CLEC16A: variants seen among roughly 807,000 people sequenced by gnomAD.
CLEC16A encodes the protein C-type lectin domain containing 16A.
In CLEC16A, 51 loss-of-function variants were observed where a neutral mutation model predicts 109.5. The ratio of observed to expected loss-of-function variants is 0.47; its 90% CI spans 0.37 to 0.59. CLEC16A has a LOEUF of 0.59. Ranked by LOEUF, CLEC16A falls within the 20% of genes least tolerant of loss-of-function variation. The pLI, the probability that CLEC16A is intolerant of heterozygous loss-of-function variation, is 0.00. For synonymous variants in CLEC16A, 673 were observed against 564.2 expected (o/e 1.19, Z -2.73); for missense variants, 1,339 against 1,394.0 (o/e 0.96, Z 0.63).
rs759650083 is a variant in CLEC16A, at chr16:11,123,834, C to T, written c.2361C>T (p.Pro787=). 1.7e-5 allele frequency: 28 copies of T among 1,613,938 alleles called. No individual in the cohort carries two copies. The highest frequency in any genetic ancestry group is 2.2e-5 in the Non-Finnish European group (26 of 1,179,914). ...PASSPHSKPF[P]ILQATFIFSD... ...CCAGCCCCCATTCCAAGCCCTTCCC[C>T]ATCCTCCAGGCCACCTTCATCTTCT... is the stretch of plus-strand genomic sequence containing the variant. The change falls in exon 21 of 24, where the codon CCC becomes CCT. Residue 787 remains proline (P), a synonymous_variant. Coordinates refer to ENST00000409790, the MANE Select transcript of CLEC16A (RefSeq NM_015226.3).
intron 22 of CLEC16A, among the ~76,000 whole-genome samples, chr16:11,134,073 G>T (rs2053410920): frequency 6.6e-6 from 1 of 151,988 alleles, no homozygotes; most frequent in Non-Finnish European, 1.5e-5. Flanking sequence ...TCAGAAAGTG[G>T]CCTACCCAAG....
chr16:11,078,030 A>G (rs2152938717), intron 19 of CLEC16A, among the ~76,000 whole-genome samples: 1 of 151,288 alleles, frequency 6.6e-6, no homozygotes, highest in African/African-American at 2.4e-5. Flanking sequence ...TGTACAGAAT[A>G]CTGAGCTTGG....
chr16:11,124,805 G>A (rs1174511160), intron 21 of CLEC16A, among the ~76,000 whole-genome samples: 3 of 152,192 alleles, frequency 2.0e-5, no homozygotes, highest in African/African-American at 7.2e-5. Flanking sequence ...ATAAGCCCTT[G>A]ACCAGGCACG....
chr16:11,024,522 C>A, intron 12 of CLEC16A: 1 of 300,434 alleles, frequency 3.3e-6, no homozygotes. Context: ...GACACGGGAG[C>A]TTTGGTGTGG....
intron 19 of CLEC16A, among the ~76,000 whole-genome samples, chr16:11,087,189 C>T (rs2050057331): frequency 6.6e-6 from 1 of 152,174 alleles, no homozygotes; most frequent in African/African-American, 2.4e-5. Flanking sequence ...CATCTAAAAC[C>T]ATCTTAGGTC....
chr16:11,095,564 C>T (rs1177189596), intron 19 of CLEC16A, among the ~76,000 whole-genome samples: 1 of 152,150 alleles, frequency 6.6e-6, no homozygotes, highest in Non-Finnish European at 1.5e-5. Context: ...GTAATCCCAA[C>T]ACTTTGGGAG....
intron 21 of CLEC16A, among the ~76,000 whole-genome samples, chr16:11,125,650 G>T (rs1047763165): frequency 6.6e-6 from 1 of 152,240 alleles, no homozygotes; most frequent in African/African-American, 2.4e-5. Context: ...GCCTTTGTCA[G>T]GGTCCTTTAC....
chr16:11,003,252 C>T lies in CLEC16A; in HGVS notation c.1250C>T (p.Ala417Val). The T allele has an allele frequency of 1.9e-6, 3 of 1,612,926 alleles. No homozygotes were observed. Among genetic ancestry groups the T allele is most frequent in the Non-Finnish European group, 2.5e-6 (3 of 1,179,784 alleles). ...GATGCCCAAGAAGACGCCGAGAAGG[C>T]TAAAGGTACAGAGGGTGGTTCAAAA... ...TEDAQEDAEKAKGTEGGSKGI... is the reference protein window; with the variant it reads ...TEDAQEDAEKVKGTEGGSKGI... The change falls in exon 11 of 24, where the codon GCT becomes GTT. Residue 417 changes from alanine to valine, a missense_variant. Transcript: ENST00000409790.
rs2052626746 is a variant in CLEC16A, at chr16:11,124,082, A to C, written c.2473+136A>C. 4 of 836,306 alleles carry C rather than the reference A, an allele frequency of 4.8e-6. No homozygotes were observed. The African/African-American group carries it at 5.1e-5, about 11-fold the overall frequency. 51.8% of individuals were successfully genotyped at this position (836,306 alleles called of 1,614,324 possible). A position where few individuals can be genotyped will look rare whatever the true frequency, so the allele number is the denominator to read the frequency against. ...TGATTCAGGAATTGTTTTATATACG[A>C]ATACGAGGAAGTTCCATTTCCTGGG... On this transcript the variant is annotated intron_variant, in intron 21 of 23. Coordinates refer to ENST00000409790, the MANE Select transcript of CLEC16A (RefSeq NM_015226.3).
intron 19 of CLEC16A, among the ~76,000 whole-genome samples, chr16:11,102,978 G>A (rs546065975): frequency 3.3e-5 from 5 of 152,292 alleles, no homozygotes; most frequent in African/African-American, 7.2e-5. Context: ...AGCAGCAGGC[G>A]GCCTGGTCCT....
At chr16:11,154,309 A>G (rs1301950379) in intron 22 of CLEC16A, among the ~76,000 whole-genome samples, 1 of 152,270 alleles carries the variant, frequency 6.6e-6, no homozygotes, top group Non-Finnish European at 1.5e-5. Context: ...ATATGGTTCA[A>G]GCTCATCCAT....
intron 19 of CLEC16A, among the ~76,000 whole-genome samples, chr16:11,094,915 C>G (rs535978944): frequency 2.4e-4 from 37 of 152,322 alleles, no homozygotes; most frequent in African/African-American, 7.5e-4. Flanking sequence ...AAGTTTCCTA[C>G]TACTGGATGA....
chr16:11,175,278 G>A (rs1430684498), intron 23 of CLEC16A, among the ~76,000 whole-genome samples: 1 of 152,168 alleles, frequency 6.6e-6, no homozygotes, highest in African/African-American at 2.4e-5. Context: ...GCCACGGGAT[G>A]TCTGTCCGCT....
chr16:10,979,880 C>G (rs1051030496), intron 9 of CLEC16A, among the ~76,000 whole-genome samples: 7 of 152,188 alleles, frequency 4.6e-5, no homozygotes, highest in Non-Finnish European at 1.0e-4. Context: ...GCAACCTTAG[C>G]TCTCAGATTT....
intron 22 of CLEC16A, among the ~76,000 whole-genome samples, chr16:11,127,112 GTA>G (rs1356478283): frequency 2.6e-5 from 4 of 152,176 alleles, no homozygotes; most frequent in African/African-American, 9.7e-5. Context: ...TGCTTCAGAA[GTA>G]ACTATTGTTA....
Position 11,123,769 on chromosome 16 carries a change from G to C in CLEC16A, c.2296G>C (p.Asp766His). 6.2e-7 allele frequency: 1 copy of C among 1,614,030 alleles called. No homozygotes were observed. The highest frequency in any genetic ancestry group is 8.5e-7 in the Non-Finnish European group (1 of 1,179,902). Residue 766 changes from aspartate to histidine, a missense_variant, in exon 21 of 24, where the codon GAC (aspartate) becomes CAC (histidine). Physicochemically the swap from Asp to His is moderately conservative, Grantham distance 81. Around this residue, in one of 3 missense-constraint regions of CLEC16A, gnomAD observed 1,061 missense variants for 1,006.8 expected, o/e 1.05. Transcript: ENST00000409790. ...CATGCAGGTGACTGGCGTGGAGGAC[G>C]ACAGCCGTGCCCTGAACATCACCAT... is the stretch of plus-strand genomic sequence containing the variant. ...QDMQVTGVEDDSRALNITIHK... is the reference protein window; with the variant it reads ...QDMQVTGVEDHSRALNITIHK...
chr16:10,969,818 C>T (rs2042695293), intron 4 of CLEC16A, among the ~76,000 whole-genome samples: 1 of 152,114 alleles, frequency 6.6e-6, no homozygotes, highest in African/African-American at 2.4e-5. Flanking sequence ...TAAGGAAGTC[C>T]CAGTCCCTTT....
At chr16:11,161,283 A>T (rs1180617671) in intron 22 of CLEC16A, among the ~76,000 whole-genome samples, 1 of 152,190 alleles carries the variant, frequency 6.6e-6, no homozygotes, top group Non-Finnish European at 1.5e-5. Context: ...GGTTGGACAG[A>T]GCTGCTGCAG....
intron 8 of CLEC16A, among the ~76,000 whole-genome samples, chr16:10,977,665 C>T (rs190622288): frequency 6.6e-6 from 1 of 152,238 alleles, no homozygotes; most frequent in East Asian, 1.9e-4. Context: ...AGGTGCATAC[C>T]ACCACGCCTG....
Sources: allele counts gnomAD v4.1 joint callset (sites outside exome capture counted in the v4.1 genomes callset), GRCh38; gene constraint gnomAD v4.1.1; regional missense constraint gnomAD v4.1.1; transcripts MANE v1.5; gene names NCBI Gene and HGNC (gene_info 2026-07-23, HGNC 2026-07-21).